SPPL2A: variants seen among roughly 807,000 people sequenced by gnomAD.
The protein encoded by SPPL2A is signal peptide peptidase like 2A, also known as signal peptide peptidase-like 2A.
Under a neutral mutation model 63.8 loss-of-function variants are expected in SPPL2A, and 51 were observed. The ratio of observed to expected loss-of-function variants is 0.80; its 90% CI spans 0.64 to 1.01. The LOEUF (loss-of-function observed/expected upper bound fraction) is 1.01, where lower values mean the gene tolerates loss of function less well. Among genes scored for constraint, SPPL2A ranks in the 50% least tolerant of loss-of-function variants. The pLI is 0.00. For synonymous variants in SPPL2A, 188 were observed against 205.8 expected (o/e 0.91, Z 0.74); for missense variants, 553 against 622.7 (o/e 0.89, Z 1.19).
At chr15:50,760,025 C>G (rs1438456789) in intron 1 of SPPL2A, among the ~76,000 whole-genome samples, 1 of 152,102 alleles carries the variant, frequency 6.6e-6, no homozygotes, top group African/African-American at 2.4e-5. Flanking sequence ...TGTGAAGAAC[C>G]TGAAAGTTAA....
chr15:50,703,745 C>T lies in SPPL2A; in HGVS notation c.*4055G>A, dbSNP rs1289512622. ...TTGAGGGAATGGATACCCCATTCTC[C>T]ATGATCCGCTTATTTCACATTGCAT... is the stretch of plus-strand genomic sequence containing the variant. On this transcript the variant is annotated 3_prime_UTR_variant, in exon 15 of 15. Coordinates refer to ENST00000261854, the MANE Select transcript of SPPL2A (RefSeq NM_032802.4). 1 of 152,062 alleles carries T rather than the reference C, an allele frequency of 6.6e-6. No individual in the cohort carries two copies. Among genetic ancestry groups the T allele is most frequent in the Non-Finnish European group, 1.5e-5 (1 of 68,030 alleles). 9.4% of individuals were successfully genotyped at this position (152,062 alleles called of 1,614,324 possible).
At chr15:50,709,558 G>A (rs1282435655) in intron 14 of SPPL2A, among the ~76,000 whole-genome samples, 2 of 152,150 alleles carry the variant, frequency 1.3e-5, no homozygotes, top group Non-Finnish European at 1.5e-5. Context: ...TTGGGAGGCC[G>A]ATGCAGGTGG....
At chr15:50,754,307 G>C (rs2062935785) in intron 1 of SPPL2A, among the ~76,000 whole-genome samples, 1 of 151,988 alleles carries the variant, frequency 6.6e-6, no homozygotes, top group African/African-American at 2.4e-5. Context: ...TTTACATTAG[G>C]GTTCATTCTT....
intron 5 of SPPL2A, 107 bp downstream of exon 5, chr15:50,747,388 A>C: frequency 1.1e-6 from 1 of 907,888 alleles, no homozygotes; most frequent in Non-Finnish European, 1.8e-6. Flanking sequence ...GCTTACTGGC[A>C]TCATATTCTG....
At position 50,739,775 on chromosome 15, in the gene SPPL2A, TC is replaced by T. The variant is rs1290183599; in HGVS notation, c.637del (p.Glu213LysfsTer4). 3 of 1,604,646 alleles carry T rather than the reference TC, an allele frequency of 1.9e-6. No homozygotes were observed. Among genetic ancestry groups the T allele is most frequent in the Admixed American group, 1.7e-5 (1 of 57,762 alleles). On this transcript the variant is annotated frameshift_variant, in exon 6 of 15. Transcript: ENST00000261854. LOFTEE classifies it high-confidence loss of function. ...AAGAGGACTAAAAGTTAAATATTCT[TC>T]CTTCTTTTTCCTCATTTCTCTATCT... ...TEDREMRKKK[E>X]EYLTFSPLTV... is the part of the protein sequence containing the mutation.
chr15:50,732,366 T>C (rs1325870530), intron 9 of SPPL2A, among the ~76,000 whole-genome samples: 1 of 151,438 alleles, frequency 6.6e-6, no homozygotes, highest in Non-Finnish European at 1.5e-5. Context: ...AGCAAATCAG[T>C]GGTTGTCTGG....
intron 6 of SPPL2A, among the ~76,000 whole-genome samples, chr15:50,737,799 C>T (rs992846131): frequency 9.9e-5 from 15 of 152,062 alleles, no homozygotes; most frequent in Non-Finnish European, 2.1e-4. Flanking sequence ...AAGCTGGGTA[C>T]AGTGGCTCAC....
chr15:50,753,658 A>G (rs569798295), intron 1 of SPPL2A, among the ~76,000 whole-genome samples: 2 of 152,348 alleles, frequency 1.3e-5, no homozygotes, highest in Admixed American at 6.5e-5. Context: ...CTTAATAAAT[A>G]TATCTAGCAC....
intron 10 of SPPL2A, among the ~76,000 whole-genome samples, chr15:50,728,195 T>A (rs2062700981): frequency 6.6e-6 from 1 of 152,226 alleles, no homozygotes; most frequent in Non-Finnish European, 1.5e-5. Context: ...GTGTCATATG[T>A]TATGGATTAT....
At chr15:50,746,063 A>G (rs2062854961) in intron 5 of SPPL2A, among the ~76,000 whole-genome samples, 1 of 151,874 alleles carries the variant, frequency 6.6e-6, no homozygotes, top group Non-Finnish European at 1.5e-5. Context: ...AAAAATATAT[A>G]TAAATATATA....
intron 14 of SPPL2A, among the ~76,000 whole-genome samples, chr15:50,713,355 C>G (rs1289314294): frequency 6.6e-6 from 1 of 151,358 alleles, no homozygotes; most frequent in Admixed American, 6.6e-5. Flanking sequence ...AGCTCCGCCT[C>G]CCAGGTTCAA....
intron 1 of SPPL2A, among the ~76,000 whole-genome samples, chr15:50,759,158 C>G (rs1404196371): frequency 6.6e-6 from 1 of 152,152 alleles, no homozygotes; most frequent in African/African-American, 2.4e-5. Context: ...CCTGCCTCAG[C>G]CTCCCGAAGT....
chr15:50,725,293 T>A lies in SPPL2A; in HGVS notation c.1177A>T (p.Ile393Phe). The A allele has an allele frequency of 1.2e-6, 2 of 1,606,550 alleles. No homozygotes were observed. Among genetic ancestry groups the A allele is most frequent in the Non-Finnish European group, 8.5e-7 (1 of 1,175,096 alleles). Reference sequence around the variant, plus strand: ...CACACACTCATTACTGAGAAATAGATCAGTTTTGGTACTCTGATGACTACT... The same window carrying A: ...CACACACTCATTACTGAGAAATAGAACAGTTTTGGTACTCTGATGACTACT... ...LPVVIRVPKL[I>F]YFSVMSVCLM... The change falls in exon 12 of 15, where the codon ATC becomes TTC. Residue 393 changes from isoleucine (I) to phenylalanine (F), a missense_variant. Ile to Phe is a conservative substitution (Grantham distance 21). Transcript: ENST00000261854.
rs907432038 is a variant in SPPL2A, at chr15:50,765,686, G to A, written c.-153C>T. 413 of 425,638 alleles carry A rather than the reference G, an allele frequency of 9.7e-4. 1 individual carries two copies. The highest frequency in any genetic ancestry group is 1.4e-3 in the Non-Finnish European group (354 of 248,396). The allele number at this position is 425,638 out of a possible 1,614,324, so 26.4% of individuals were successfully genotyped here. ...ACGACTGGACCGCCGCTGCTACAGCGGCCGCCACAGCAGCGCGACTTCCTC... is the reference window on the plus strand; with the variant it reads ...ACGACTGGACCGCCGCTGCTACAGCAGCCGCCACAGCAGCGCGACTTCCTC... On this transcript the variant is annotated 5_prime_UTR_variant, in exon 1 of 15. Transcript: ENST00000261854.
rs1301414470 is a variant in SPPL2A at position 50,703,588 on chromosome 15, C to T, written c.*4212G>A. ...ATGTTGGTCAGGCTGGTCTCAAACT[C>T]CTGACCTCATGATCCACCCGCCTTG... On this transcript the variant is annotated 3_prime_UTR_variant, in exon 15 of 15. Coordinates refer to ENST00000261854, the MANE Select transcript of SPPL2A (RefSeq NM_032802.4). The T allele has an allele frequency of 1.3e-5, 2 of 151,376 alleles. No individual in the cohort carries two copies. The highest frequency in any genetic ancestry group is 2.4e-5 in the African/African-American group (1 of 41,158). 9.4% of individuals were successfully genotyped at this position (151,376 alleles called of 1,614,324 possible). A position where few individuals can be genotyped will look rare whatever the true frequency, so the allele number is the denominator to read the frequency against.
chr15:50,762,655 C>T (rs897412509), intron 1 of SPPL2A, among the ~76,000 whole-genome samples: 2 of 151,922 alleles, frequency 1.3e-5, no homozygotes, highest in African/African-American at 4.8e-5. Flanking sequence ...AGACTACGTG[C>T]TGCTTCCATT....
rs2062496197 is a variant in SPPL2A, at chr15:50,704,525, TCTAA to T, written c.*3271_*3274del. The T allele has an allele frequency of 2.0e-5, 3 of 151,298 alleles. No homozygotes were observed. Among genetic ancestry groups the T allele is most frequent in the Admixed American group, 6.6e-5 (1 of 15,190 alleles). 9.4% of individuals were successfully genotyped at this position (151,298 alleles called of 1,614,324 possible). On this transcript the variant is annotated 3_prime_UTR_variant, in exon 15 of 15. Transcript: ENST00000261854. ...GCCACAAAAATGTTCAAAGGGATTT[TCTAA>T]CTTTTTTTTTTTTGCATCAAGAATT...
At chr15:50,734,572 A>C (rs947819506) in intron 8 of SPPL2A, among the ~76,000 whole-genome samples, 2 of 152,232 alleles carry the variant, frequency 1.3e-5, no homozygotes, top group African/African-American at 4.8e-5. Flanking sequence ...ATGGGTGCAA[A>C]AATATAGCTA....
At chr15:50,717,974 T>TGTC (rs2062610990) in intron 14 of SPPL2A, among the ~76,000 whole-genome samples, 1 of 140,286 alleles carries the variant, frequency 7.1e-6, no homozygotes, top group African/African-American at 2.6e-5. Context: ...TTTCGTTTTT[T>TGTC]TTTTTTTTTT....
Sources: gnomAD v4.1 joint callset for allele counts (sites outside exome capture counted in the v4.1 genomes callset) on GRCh38, gnomAD v4.1.1 for gene constraint, MANE v1.5 for transcripts, NCBI Gene and HGNC (gene_info 2026-07-23, HGNC 2026-07-21) for gene names.